The following DAB1 variants were observed in gnomAD, a reference collection of about 807,000 sequenced individuals.
The protein encoded by DAB1 is disabled homolog 1.
In DAB1, 15 loss-of-function variants were observed where a neutral mutation model predicts 64.6. The observed-to-expected ratio is 0.23, with a 90% CI of 0.16 to 0.36. The LOEUF (loss-of-function observed/expected upper bound fraction) is 0.36, where lower values mean the gene tolerates loss of function less well. DAB1 is among the 10% of genes least tolerant of loss of function. The pLI is 1.00. For synonymous variants in DAB1, 235 were observed against 251.9 expected, an observed-to-expected ratio of 0.93 and a Z score of 0.64; for missense variants, 596 against 706.7, an observed-to-expected ratio of 0.84 and a Z score of 1.78.
chr1:58,358,760 C>T (rs1265887273), intron 3 of DAB1, among the ~76,000 whole-genome samples: 1 of 152,150 alleles, frequency 6.6e-6, no homozygotes, highest in Admixed American at 6.6e-5. Context: ...CTAAGATCCC[C>T]TTTGGATATG....
intron 5 of DAB1, among the ~76,000 whole-genome samples, chr1:57,928,748 T>C (rs942292619): frequency 3.3e-5 from 5 of 152,202 alleles, no homozygotes; most frequent in Non-Finnish European, 7.3e-5. Flanking sequence ...GTAATAAACA[T>C]TTAAGTTTCC....
chr1:57,426,189 G>A (rs1162149201), upstream of DAB1, among the ~76,000 whole-genome samples: 1 of 152,098 alleles, frequency 6.6e-6, no homozygotes, highest in Non-Finnish European at 1.5e-5. Context: ...CTTTCACTTC[G>A]TTCGGCTTTC....
At chr1:57,234,476 GT>G (rs1173826312) in intron 2 of DAB1, among the ~76,000 whole-genome samples, 1 of 151,844 alleles carries the variant, frequency 6.6e-6, no homozygotes, top group Non-Finnish European at 1.5e-5. Flanking sequence ...GAGTGCTTTA[GT>G]TTTTTTTGTT....
In DAB1 at chr1:58,300,646, GAGGAAGGAAGGA is replaced by G. The variant is rs750819465; in HGVS notation, n.309+42694_309+42705del. ...AGAGAGAGAGAGAGAGAGAGAGAGA[GAGGAAGGAAGGA>G]AGGAAGGAAGGAAGGAAGGAAGGAA... On this transcript the variant is annotated intron_variant and non_coding_transcript_variant, in intron 4 of 20. Coordinates refer to the DAB1 transcript ENST00000485760. 2.2e-3 allele frequency among the ~76,000 whole-genome samples: 127 copies of G among 57,272 alleles called. 1 individual carries two copies. The highest frequency in any genetic ancestry group is 6.6e-3 in the African/African-American group (98 of 14,914). 37.6% of individuals were successfully genotyped at this position (57,272 alleles called of 152,430 possible).
At chr1:57,980,956 T>C (rs940318688) in intron 5 of DAB1, among the ~76,000 whole-genome samples, 1 of 151,704 alleles carries the variant, frequency 6.6e-6, no homozygotes, top group Non-Finnish European at 1.5e-5. Flanking sequence ...TAAACATATA[T>C]ATATATGAAT....
intron 1 of DAB1, among the ~76,000 whole-genome samples, chr1:57,384,854 A>C (rs923859042): frequency 2.0e-5 from 3 of 152,236 alleles, no homozygotes; most frequent in Non-Finnish European, 4.4e-5. Context: ...ACATACACTT[A>C]AAAATGGTTA....
intron 6 of DAB1, among the ~76,000 whole-genome samples, chr1:57,679,250 T>C (rs974335306): frequency 1.3e-5 from 2 of 152,098 alleles, no homozygotes; most frequent in African/African-American, 2.4e-5. Flanking sequence ...GAGGATGAGG[T>C]AGGGAGACAA....
intron 5 of DAB1, among the ~76,000 whole-genome samples, chr1:57,999,757 T>C (rs1345069883): frequency 6.6e-6 from 1 of 151,914 alleles, no homozygotes; most frequent in Non-Finnish European, 1.5e-5. Context: ...AACCCTGGTC[T>C]ACAGCTTTAT....
chr1:58,154,779 G>C (rs557971121), intron 4 of DAB1, among the ~76,000 whole-genome samples: 1 of 152,206 alleles, frequency 6.6e-6, no homozygotes, highest in African/African-American at 2.4e-5. Flanking sequence ...CGTTGGTGGG[G>C]AAAAAGAACA....
intron 5 of DAB1, among the ~76,000 whole-genome samples, chr1:57,995,652 C>T (rs536560875): frequency 1.0e-3 from 153 of 152,072 alleles, no homozygotes; most frequent in African/African-American, 3.5e-3. Flanking sequence ...ATTTTCTCAA[C>T]GTTAATGGAT....
chr1:57,921,085 G>A (rs1455444236), intron 5 of DAB1, among the ~76,000 whole-genome samples: 1 of 152,224 alleles, frequency 6.6e-6, no homozygotes, highest in East Asian at 1.9e-4. Context: ...ATCATAATAT[G>A]GTGATAAAAT....
intron 7 of DAB1, among the ~76,000 whole-genome samples, chr1:57,451,202 C>T (rs1444229133): frequency 6.6e-6 from 1 of 152,128 alleles, no homozygotes; most frequent in East Asian, 1.9e-4. Context: ...TTGGCAACCC[C>T]CTGCTTGCCC....
chr1:58,420,993 C>A (rs919077133), intron 3 of DAB1, among the ~76,000 whole-genome samples: 2 of 152,188 alleles, frequency 1.3e-5, no homozygotes, highest in African/African-American at 2.4e-5. Flanking sequence ...AAACCAGAAG[C>A]CTTTCTCTTT....
At chr1:57,545,071 G>T (rs567124080) in intron 7 of DAB1, among the ~76,000 whole-genome samples, 66 of 152,256 alleles carry the variant, frequency 4.3e-4, no homozygotes, top group Admixed American at 9.2e-4. Flanking sequence ...CCTGACTCCT[G>T]GCTACCTCTC....
At chr1:58,488,366 T>A (rs1156712100) in intron 3 of DAB1, among the ~76,000 whole-genome samples, 1 of 152,200 alleles carries the variant, frequency 6.6e-6, no homozygotes, top group African/African-American at 2.4e-5. Flanking sequence ...GAACAGGCAG[T>A]GTTCAGTTAC....
chr1:57,310,237 T>C (rs1558139790), intron 1 of DAB1, among the ~76,000 whole-genome samples: 1 of 152,126 alleles, frequency 6.6e-6, no homozygotes, highest in Non-Finnish European at 1.5e-5. Flanking sequence ...TAATGAGTAG[T>C]TAGCAAAGGC....
chr1:57,531,980 A>G (rs902481185), intron 7 of DAB1, among the ~76,000 whole-genome samples: 1 of 152,204 alleles, frequency 6.6e-6, no homozygotes, highest in Middle Eastern at 3.2e-3. Flanking sequence ...GAGGTGATGC[A>G]TTTGGAGTAT....
At chr1:58,040,123 T>G (rs539573797) in intron 5 of DAB1, among the ~76,000 whole-genome samples, 14 of 152,312 alleles carry the variant, frequency 9.2e-5, no homozygotes, top group African/African-American at 3.1e-4. Flanking sequence ...TTAATTTCCA[T>G]TTTAGTAACT....
intron 5 of DAB1, among the ~76,000 whole-genome samples, chr1:58,112,672 C>G (rs1012838992): frequency 6.6e-5 from 10 of 152,198 alleles, no homozygotes; most frequent in Non-Finnish European, 1.3e-4. Flanking sequence ...GGTCCTAATT[C>G]AGTGCTCAGC....
Sources: allele counts gnomAD v4.1 joint callset (sites outside exome capture counted in the v4.1 genomes callset), GRCh38; gene constraint gnomAD v4.1.1; transcripts MANE v1.5; gene names NCBI Gene and HGNC (gene_info 2026-07-23, HGNC 2026-07-21).